SNED1: variants seen among roughly 807,000 people sequenced by gnomAD.
SNED1 encodes the protein sushi, nidogen and EGF like domains 1.
A neutral mutation model predicts 166.7 loss-of-function variants in SNED1; 81 were observed. The observed-to-expected ratio is 0.49, with a 90% confidence interval of 0.41 to 0.58. The LOEUF is 0.58. Among genes scored for constraint, SNED1 ranks in the 20% least tolerant of loss-of-function variants. The pLI, the probability that SNED1 is intolerant of heterozygous loss-of-function variation, is 0.00. For missense variants in SNED1, 1,604 were observed against 2,000.2 expected, an observed-to-expected ratio of 0.80 and a Z score of 3.78; for synonymous variants, 762 against 822.0, an observed-to-expected ratio of 0.93 and a Z score of 1.25.
intron 21 of SNED1, among the ~76,000 whole-genome samples, chr2:241,066,258 G>A (rs533093985): frequency 1.0e-3 from 153 of 152,288 alleles, no homozygotes; most frequent in Non-Finnish European, 1.9e-3. Flanking sequence ...GGTTGTTGCC[G>A]TGTCGGGGAG....
At chr2:241,039,985 G>A (rs1431926573) in intron 6 of SNED1, 90 bp from the exon 7 acceptor site, 3 of 1,031,606 alleles carry the variant, frequency 2.9e-6, no homozygotes, top group Non-Finnish European at 4.3e-6. Flanking sequence ...CCAGTTGGGG[G>A]TGGGGCTCAG....
At chr2:241,079,677 T>C (rs1430296386) in intron 27 of SNED1, among the ~76,000 whole-genome samples, 1 of 152,108 alleles carries the variant, frequency 6.6e-6, no homozygotes, top group Non-Finnish European at 1.5e-5. Context: ...AGGCAACACC[T>C]AAAAATTGAA....
At chr2:241,049,225 C>T in intron 11 of SNED1, 90 bp downstream of exon 11, 3 of 940,702 alleles carry the variant, frequency 3.2e-6, no homozygotes, top group Non-Finnish European at 5.0e-6. Flanking sequence ...AGGCCAGAGT[C>T]CCTACTTCCC....
intron 1 of SNED1, chr2:241,015,840 A>G (rs188919761): frequency 6.5e-6 from 1 of 153,262 alleles, no homozygotes; most frequent in East Asian, 1.9e-4. Flanking sequence ...CTCAAAAAGC[A>G]AGTGTTCCGG....
chr2:241,038,519 A>C (rs916050502), intron 6 of SNED1, among the ~76,000 whole-genome samples: 1 of 152,258 alleles, frequency 6.6e-6, no homozygotes. Context: ...CAGTGTGTTT[A>C]CAGATCACAC....
At chr2:241,058,398 A>AT (rs1356556581) in intron 16 of SNED1, among the ~76,000 whole-genome samples, 3 of 152,218 alleles carry the variant, frequency 2.0e-5, no homozygotes, top group Non-Finnish European at 4.4e-5. Context: ...AAAATACGAA[A>AT]TGATGCTGAA....
At chr2:241,089,471 ACCCCCTT>A in intron 31 of SNED1, 2 of 1,524,864 alleles carry the variant, frequency 1.3e-6, no homozygotes, top group Non-Finnish European at 1.8e-6. Flanking sequence ...GAGTGTCCAC[ACCCCCTT>A]GGGGGAAAGG....
intron 16 of SNED1, among the ~76,000 whole-genome samples, chr2:241,054,245 C>T (rs1439586032): frequency 6.6e-6 from 1 of 152,134 alleles, no homozygotes; most frequent in African/African-American, 2.4e-5. Flanking sequence ...AGAATATGAG[C>T]AACCAGCCAG....
In SNED1 at chr2:241,069,730, AG is replaced by A. The variant is rs1298637506; in HGVS notation, c.3308-188del. Among the ~76,000 whole-genome samples, 1 of 151,838 alleles carries A rather than the reference AG, an allele frequency of 6.6e-6. No individual in the cohort carries two copies. Among genetic ancestry groups the A allele is most frequent in the Non-Finnish European group, 1.5e-5 (1 of 67,894 alleles). ...GGGAGGGTGGCAACCAGGGGCCTGC[AG>A]GTCTCTCGGTTGGAAGATTGTGCTG... On this transcript the variant is annotated intron_variant, in intron 23 of 31. Transcript: ENST00000310397. The surrounding 1 kb of genome is among the most constrained non-coding windows in gnomAD (Gnocchi z 4.9).
At chr2:241,022,873 C>T (rs1208983107) in intron 1 of SNED1, among the ~76,000 whole-genome samples, 3 of 152,160 alleles carry the variant, frequency 2.0e-5, no homozygotes, top group Non-Finnish European at 2.9e-5. Flanking sequence ...ATAAAATCCT[C>T]TGATTACCTT....
intron 8 of SNED1, among the ~76,000 whole-genome samples, chr2:241,047,036 G>A (rs1474492131): frequency 2.0e-5 from 3 of 151,538 alleles, no homozygotes; most frequent in African/African-American, 7.3e-5. Context: ...CCAGCTACTC[G>A]GGAAGCTGAG....
Position 241,013,850 on chromosome 2 carries a change from G to A in SNED1, c.213+14800G>A, listed in dbSNP as rs1392856701. On this transcript the variant is annotated intron_variant, in intron 1 of 31. Coordinates refer to ENST00000310397, the MANE Select transcript of SNED1 (RefSeq NM_001080437.3). The surrounding 1 kb of genome is among the most constrained non-coding windows in gnomAD (Gnocchi z 4.6). Reference sequence around the variant, plus strand: ...CATTCATCCGTCAGCAAACACTTAGGTTGAGTCTATATCTTGCTTATGGGA... The same window carrying A: ...CATTCATCCGTCAGCAAACACTTAGATTGAGTCTATATCTTGCTTATGGGA... 2.0e-5 allele frequency among the ~76,000 whole-genome samples: 3 copies of A among 152,130 alleles called. No individual in the cohort carries two copies. The highest frequency in any genetic ancestry group is 4.4e-5 in the Non-Finnish European group (3 of 68,032).
At chr2:241,054,295 C>G (rs1357974602) in intron 16 of SNED1, among the ~76,000 whole-genome samples, 1 of 152,142 alleles carries the variant, frequency 6.6e-6, no homozygotes, top group African/African-American at 2.4e-5. Context: ...CCTCAGAAAA[C>G]AATAATAAAA....
chr2:241,030,697 C>G (rs1043960394), intron 2 of SNED1, 126 bp downstream of exon 2: 9 of 1,032,148 alleles, frequency 8.7e-6, no homozygotes, highest in Non-Finnish European at 1.3e-5. Context: ...AAGAGGGGAA[C>G]ACGTGGTCAA....
chr2:241,026,009 C>CTTTTTTTTTTTTTTTTTTTTTT (rs71404676), intron 1 of SNED1, among the ~76,000 whole-genome samples: 7 of 73,594 alleles, frequency 9.5e-5, no homozygotes, highest in Non-Finnish European at 1.2e-4. Flanking sequence ...TTTTCTTTTC[C>CTTTTTTTTTTTTTTTTTTTTTT]TTTTTTTTTT....
rs972020090 is a variant in SNED1, at chr2:241,068,358, T to C, written c.3194+411T>C. ...GAGAGCAGCGGCCAGCGAGGGTAGA[T>C]GGTAGCAGCCCCGAGCTCTCCCAGG... On this transcript the variant is annotated intron_variant, in intron 22 of 31. Transcript: ENST00000310397. The surrounding 1 kb of genome is among the most constrained non-coding windows in gnomAD (Gnocchi z 5.3). Among the ~76,000 whole-genome samples, 1 of 144,476 alleles carries C rather than the reference T, an allele frequency of 6.9e-6. No individual in the cohort carries two copies. The highest frequency in any genetic ancestry group is 2.8e-5 in the African/African-American group (1 of 35,838). 94.8% of individuals were successfully genotyped at this position (144,476 alleles called of 152,430 possible).
chr2:241,045,768 A>G (rs2061629759), intron 8 of SNED1, among the ~76,000 whole-genome samples: 2 of 152,106 alleles, frequency 1.3e-5, no homozygotes, highest in Non-Finnish European at 2.9e-5. Context: ...TAGATAAGAC[A>G]GCAAAAGCAT....
intron 1 of SNED1, among the ~76,000 whole-genome samples, chr2:241,024,235 C>CGTTT (rs2060867195): frequency 2.1e-5 from 1 of 46,908 alleles, no homozygotes; most frequent in East Asian, 5.8e-4. Flanking sequence ...ACTCTACTAC[C>CGTTT]TTTTTTTTTT....
Position 241,082,327 on chromosome 2 carries a change from G to C in SNED1, c.4084G>C (p.Ala1362Pro), listed in dbSNP as rs2108485. The change falls in exon 29 of 32, where the codon GCC (alanine) becomes CCC (proline). Residue 1362 changes from alanine to proline, a missense_variant. Transcript: ENST00000310397. ...CACAAGGCTGTTCTCCGAGACAAAGGCCTTTCCAGTCTGGGAGGGAGGCGT... is the reference window on the plus strand; with the variant it reads ...CACAAGGCTGTTCTCCGAGACAAAGCCCTTTCCAGTCTGGGAGGGAGGCGT... The part of the protein sequence containing the change: ...PCTRLFSETK[A>P]FPVWEGGVCH... The C allele has an allele frequency of 2.5e-6, 4 of 1,613,166 alleles. No individual in the cohort carries two copies. The highest frequency in any genetic ancestry group is 1.7e-6 in the Non-Finnish European group (2 of 1,179,418).
Sources: allele counts gnomAD v4.1 joint callset (sites outside exome capture counted in the v4.1 genomes callset), GRCh38; gene constraint gnomAD v4.1.1; non-coding constraint Gnocchi (gnomAD v3.1); transcripts MANE v1.5; gene names NCBI Gene and HGNC (gene_info 2026-07-23, HGNC 2026-07-21).